Variants in SPOCK1 observed in about 807,000 individuals in gnomAD.
The protein encoded by SPOCK1 is testican-1.
In SPOCK1, 23 loss-of-function variants were observed where a neutral mutation model predicts 55.3. The ratio of observed to expected loss-of-function variants is 0.42; its 90% CI spans 0.30 to 0.59. The LOEUF (loss-of-function observed/expected upper bound fraction) is 0.59. Ranked by LOEUF, SPOCK1 falls within the 20% of genes least tolerant of loss-of-function variation. SPOCK1 has a pLI of 0.22. For missense variants in SPOCK1, 499 were observed against 552.5 expected, an observed-to-expected ratio of 0.90 and a Z score of 0.97; for synonymous variants, 226 against 221.0, an observed-to-expected ratio of 1.02 and a Z score of -0.20.
At chr5:136,990,554 C>T (rs1305360937) in intron 7 of SPOCK1, among the ~76,000 whole-genome samples, 3 of 146,104 alleles carry the variant, frequency 2.1e-5, no homozygotes, top group Non-Finnish European at 3.0e-5. Flanking sequence ...CCACCCCCCT[C>T]TTTTTTTTTT....
At chr5:137,394,175 C>T (rs1312278173) in intron 2 of SPOCK1, among the ~76,000 whole-genome samples, 1 of 152,204 alleles carries the variant, frequency 6.6e-6, no homozygotes, top group East Asian at 1.9e-4. Context: ...TTCATTCTTA[C>T]ATTCTTATTT....
At chr5:137,471,344 T>G (rs574032282) in intron 2 of SPOCK1, among the ~76,000 whole-genome samples, 1 of 152,370 alleles carries the variant, frequency 6.6e-6, no homozygotes, top group East Asian at 1.9e-4. Context: ...TTTGTTTGTT[T>G]GTTTTTGTTT....
intron 3 of SPOCK1, among the ~76,000 whole-genome samples, chr5:137,199,690 T>A (rs1249725267): frequency 1.3e-5 from 2 of 152,194 alleles, no homozygotes; most frequent in African/African-American, 4.8e-5. Context: ...AACTTCAGAA[T>A]GTCAGAGAAC....
At chr5:137,027,984 C>T (rs1751708781) in intron 6 of SPOCK1, among the ~76,000 whole-genome samples, 1 of 152,206 alleles carries the variant, frequency 6.6e-6, no homozygotes, top group Non-Finnish European at 1.5e-5. Context: ...CCCCAAACTG[C>T]TGTGCCCTTC....
chr5:137,160,534 A>ATATATTATATAT (rs1754510431), intron 3 of SPOCK1, among the ~76,000 whole-genome samples: 4 of 55,042 alleles, frequency 7.3e-5, no homozygotes, highest in Non-Finnish European at 9.6e-5. Flanking sequence ...ATATATAAAA[A>ATATATTATATAT]TATATAATAT....
At chr5:137,205,261 C>T (rs193271878) in intron 3 of SPOCK1, among the ~76,000 whole-genome samples, 32 of 152,246 alleles carry the variant, frequency 2.1e-4, no homozygotes, top group Non-Finnish European at 4.1e-4. Flanking sequence ...GGATGTTTCT[C>T]TACATGGTTT....
chr5:137,498,769 C>T (rs1215260636), intron 1 of SPOCK1, among the ~76,000 whole-genome samples: 3 of 152,174 alleles, frequency 2.0e-5, no homozygotes, highest in Admixed American at 6.5e-5. Context: ...GGCTGCGTCA[C>T]GAATCCGAGG....
intron 2 of SPOCK1, among the ~76,000 whole-genome samples, chr5:137,424,597 G>T (rs998861785): frequency 6.6e-6 from 1 of 152,104 alleles, no homozygotes; most frequent in African/African-American, 2.4e-5. Flanking sequence ...TCTCAAGCTG[G>T]AAACAATCCA....
chr5:136,992,290 T>C (rs1245550735), intron 7 of SPOCK1, among the ~76,000 whole-genome samples, 194 bp downstream of exon 7: 2 of 152,164 alleles, frequency 1.3e-5, no homozygotes, highest in African/African-American at 4.8e-5. Context: ...GTCATTAAAA[T>C]GGTGAGATCA....
intron 6 of SPOCK1, among the ~76,000 whole-genome samples, chr5:136,999,677 G>A (rs1379075354): frequency 6.6e-6 from 1 of 152,160 alleles, no homozygotes; most frequent in Non-Finnish European, 1.5e-5. Context: ...TTTGGGAGAT[G>A]AGATAAAAAA....
At chr5:137,280,638 T>C (rs1316305065) in intron 2 of SPOCK1, among the ~76,000 whole-genome samples, 1 of 152,236 alleles carries the variant, frequency 6.6e-6, no homozygotes, top group Admixed American at 6.5e-5. Flanking sequence ...AAGATTCCAG[T>C]TGGATTTTTC....
intron 5 of SPOCK1, among the ~76,000 whole-genome samples, chr5:137,082,168 C>T (rs1009617924): frequency 3.9e-5 from 6 of 152,226 alleles, no homozygotes; most frequent in African/African-American, 1.4e-4. Context: ...TTTCTATTTA[C>T]TTTTGAGGCC....
chr5:137,105,891 G>A (rs1753358146), intron 5 of SPOCK1, among the ~76,000 whole-genome samples: 1 of 152,140 alleles, frequency 6.6e-6, no homozygotes, highest in Non-Finnish European at 1.5e-5. Context: ...ACAGCAGACG[G>A]GTGTTTGCCT....
intron 6 of SPOCK1, among the ~76,000 whole-genome samples, chr5:137,007,498 T>G (rs1458636711): frequency 1.3e-5 from 2 of 152,164 alleles, no homozygotes; most frequent in Non-Finnish European, 2.9e-5. Flanking sequence ...CAGACAGTTT[T>G]CAAAGGAAGA....
rs183647000 is a variant in SPOCK1, at chr5:137,409,469, G to C, written c.186+88904C>G. Among the ~76,000 whole-genome samples, 16 of 152,336 alleles carry C rather than the reference G, an allele frequency of 1.1e-4. No homozygotes were observed. The South Asian group carries it at 2.1e-3, about 20-fold the overall frequency. On this transcript the variant is annotated intron_variant, in intron 2 of 10. Coordinates refer to ENST00000394945, the MANE Select transcript of SPOCK1 (RefSeq NM_004598.4). The stretch of plus-strand genomic sequence containing the variant: ...CTAGCATCTCAGAGCACAGGATCTA[G>C]AGTCAGACAGCCTGGGCTCATATCT...
chr5:137,100,575 C>T (rs1275363772), intron 5 of SPOCK1, among the ~76,000 whole-genome samples: 1 of 152,216 alleles, frequency 6.6e-6, no homozygotes, highest in Non-Finnish European at 1.5e-5. Flanking sequence ...TCTGACCAAA[C>T]TGTTTGGGGT....
At chr5:137,427,331 C>T (rs1429781642) in intron 2 of SPOCK1, among the ~76,000 whole-genome samples, 2 of 152,168 alleles carry the variant, frequency 1.3e-5, no homozygotes, top group African/African-American at 4.8e-5. Context: ...TATGCTTGGG[C>T]CCAAAAGCAG....
intron 9 of SPOCK1, among the ~76,000 whole-genome samples, chr5:136,982,529 T>C (rs560773417): frequency 6.6e-6 from 1 of 152,340 alleles, no homozygotes; most frequent in East Asian, 1.9e-4. Flanking sequence ...ACATATATTC[T>C]AATATTCTTG....
intron 2 of SPOCK1, among the ~76,000 whole-genome samples, chr5:137,398,055 C>T (rs1413184478): frequency 6.6e-6 from 1 of 152,082 alleles, no homozygotes; most frequent in African/African-American, 2.4e-5. Context: ...CTACCCAGGA[C>T]ACCGTCTGGG....
Sources: gnomAD v4.1 joint callset for allele counts (sites outside exome capture counted in the v4.1 genomes callset) on GRCh38, gnomAD v4.1.1 for gene constraint, MANE v1.5 for transcripts, NCBI Gene and HGNC (gene_info 2026-07-23, HGNC 2026-07-21) for gene names.